The following FPR3 variants were observed in gnomAD, a reference collection of about 807,000 sequenced individuals.
The protein encoded by FPR3 is formyl peptide receptor 3, also known as N-formyl peptide receptor 3.
For synonymous variants in FPR3, 135 were observed against 163.6 expected, an observed-to-expected ratio of 0.83 and a Z score of 1.34; for missense variants, 346 against 443.2, an observed-to-expected ratio of 0.78 and a Z score of 1.97.
intron 1 of FPR3, among the ~76,000 whole-genome samples, chr19:51,800,301 A>AG (rs1434787667): frequency 6.6e-6 from 1 of 152,306 alleles, no homozygotes; most frequent in East Asian, 1.9e-4. Flanking sequence ...GGCCAGTGCA[A>AG]GTGGAGCTCA....
At chr19:51,815,012 G>A (rs1459093709) in intron 1 of FPR3, among the ~76,000 whole-genome samples, 1 of 150,138 alleles carries the variant, frequency 6.7e-6, no homozygotes, top group Non-Finnish European at 1.5e-5. Flanking sequence ...GTTTCACCTT[G>A]TTGCCCAGGC....
At chr19:51,803,070 C>T (rs975884830) in intron 1 of FPR3, among the ~76,000 whole-genome samples, 18 of 146,476 alleles carry the variant, frequency 1.2e-4, no homozygotes, top group African/African-American at 4.5e-4. Context: ...TAAATAGTGT[C>T]ACCTAGATAT....
chr19:51,799,331 C>A (rs1283762378), intron 1 of FPR3, among the ~76,000 whole-genome samples: 1 of 152,166 alleles, frequency 6.6e-6, no homozygotes, highest in Non-Finnish European at 1.5e-5. Context: ...TGTGAGGCTG[C>A]CCGAAAGCGA....
rs187294414 is a variant in FPR3, at chr19:51,818,739, A to G, written c.-10-5000A>G. 5.3e-5 allele frequency among the ~76,000 whole-genome samples: 8 copies of G among 152,344 alleles called. No individual in the cohort carries two copies. The East Asian group carries it at 1.5e-3, about 29-fold the overall frequency. On this transcript the variant is annotated intron_variant, in intron 1 of 1. Transcript: ENST00000339223. ...TGGTCAGGGAATCAAGGAGTCCACCATGGGTCCAGCACAGTGTGTCAGGTG... is the reference window on the plus strand; with the variant it reads ...TGGTCAGGGAATCAAGGAGTCCACCGTGGGTCCAGCACAGTGTGTCAGGTG...
intron 1 of FPR3, among the ~76,000 whole-genome samples, chr19:51,810,471 C>T (rs557333040): frequency 9.8e-5 from 15 of 152,294 alleles, no homozygotes; most frequent in East Asian, 1.9e-4. Flanking sequence ...TCAGGAATTG[C>T]GGCCCAGGTG....
At position 51,823,763 on chromosome 19, in the gene FPR3, C is replaced by A; in HGVS notation, c.15C>A (p.Phe5Leu). The change falls in exon 2 of 2, where the codon TTC becomes TTA. Residue 5 changes from phenylalanine (F) to leucine (L), a missense_variant. By Grantham distance (22) the Phe-to-Leu change is conservative. Transcript: ENST00000339223. Reference protein sequence around the residue: METNFSIPLNETEEV... With the variant: METNLSIPLNETEEV... ...GGTGTGGGAAGATGGAAACCAACTTCTCCATTCCTCTGAATGAAACTGAGG... is the reference window on the plus strand; with the variant it reads ...GGTGTGGGAAGATGGAAACCAACTTATCCATTCCTCTGAATGAAACTGAGG... 6.3e-7 allele frequency: 1 copy of A among 1,590,602 alleles called. No individual in the cohort carries two copies. Among genetic ancestry groups the A allele is most frequent in the Non-Finnish European group, 8.6e-7 (1 of 1,168,086 alleles).
rs2084221491 is a variant in FPR3 at position 51,824,926 on chromosome 19, A to G, written c.*116A>G. ...CACCACCACCACAATCATCAACATA[A>G]AGGAAGTCTGTACCAAATCTGTAGG... On this transcript the variant is annotated 3_prime_UTR_variant, in exon 2 of 2. Coordinates refer to ENST00000339223, the MANE Select transcript of FPR3 (RefSeq NM_002030.5). The surrounding 1 kb of genome is among the most constrained non-coding windows in gnomAD (Gnocchi z 4.7). 1 of 823,000 alleles carries G rather than the reference A, an allele frequency of 1.2e-6. No homozygotes were observed. The highest frequency in any genetic ancestry group is 1.7e-5 in the African/African-American group (1 of 57,720). The allele number at this position is 823,000 out of a possible 1,614,324, so 51.0% of individuals were successfully genotyped here.
chr19:51,822,238 T>C (rs1197149183), intron 1 of FPR3, among the ~76,000 whole-genome samples: 1 of 152,178 alleles, frequency 6.6e-6, no homozygotes, highest in East Asian at 1.9e-4. Context: ...TATCCTCCCA[T>C]AGTGTTATTG....
chr19:51,801,907 C>T (rs1045963839), intron 1 of FPR3, among the ~76,000 whole-genome samples: 13 of 152,246 alleles, frequency 8.5e-5, no homozygotes, highest in African/African-American at 3.1e-4. Flanking sequence ...TCTGTAGCGT[C>T]GCCTAAATTT....
At chr19:51,801,449 G>A (rs192372413) in intron 1 of FPR3, among the ~76,000 whole-genome samples, 159 of 152,274 alleles carry the variant, frequency 1.0e-3, no homozygotes, top group Non-Finnish European at 1.8e-3. Context: ...GACACTGATT[G>A]GCTTTTGTTC....
At chr19:51,822,790 G>A (rs2122493444) in intron 1 of FPR3, among the ~76,000 whole-genome samples, 1 of 152,250 alleles carries the variant, frequency 6.6e-6, no homozygotes, top group Non-Finnish European at 1.5e-5. Flanking sequence ...AAAGCAGACG[G>A]GAGAAAGTAA....
chr19:51,823,631 C>A (rs2084206852), intron 1 of FPR3, 108 bp from the exon 2 acceptor site: 3 of 848,858 alleles, frequency 3.5e-6, no homozygotes, highest in Non-Finnish European at 5.4e-6. Flanking sequence ...ACAAGGCTCA[C>A]TGGGGAGGGT....
chr19:51,817,104 A>G (rs1022675150), intron 1 of FPR3, among the ~76,000 whole-genome samples: 8 of 152,166 alleles, frequency 5.3e-5, no homozygotes, highest in African/African-American at 1.7e-4. Flanking sequence ...TCAGACACAT[A>G]GGTTTCTAAG....
rs147462535 is a variant in FPR3 at position 51,813,580 on chromosome 19, G to C, written c.-10-10159G>C. ...GAGTCTCACTCTGTCACCTAGGCTGGAGTGCAGTGGCGTGATCTCGGCTCA... is the reference window on the plus strand; with the variant it reads ...GAGTCTCACTCTGTCACCTAGGCTGCAGTGCAGTGGCGTGATCTCGGCTCA... On this transcript the variant is annotated intron_variant, in intron 1 of 1. Coordinates refer to ENST00000339223, the MANE Select transcript of FPR3 (RefSeq NM_002030.5). Among the ~76,000 whole-genome samples the C allele has an allele frequency of 5.2e-3, 796 of 152,008 alleles. 5 individuals carry two copies. The highest frequency in any genetic ancestry group is 0.014 in the African/African-American group (574 of 41,442).
rs143491261 is a variant in FPR3 at position 51,808,150 on chromosome 19, C to T, written c.-11+12819C>T. ...TGCTGCAGGGAATTTAAAGAATCTCCGTGCAGGGTTTGGTAAATATGTGTA... is the reference window on the plus strand; with the variant it reads ...TGCTGCAGGGAATTTAAAGAATCTCTGTGCAGGGTTTGGTAAATATGTGTA... On this transcript the variant is annotated intron_variant, in intron 1 of 1. Transcript: ENST00000339223. 8.3e-4 allele frequency among the ~76,000 whole-genome samples: 126 copies of T among 152,306 alleles called. 2 individuals carry two copies. The East Asian group carries it at 0.023, about 28-fold the overall frequency.
chr19:51,807,359 C>T (rs2084066795), intron 1 of FPR3, among the ~76,000 whole-genome samples: 1 of 152,194 alleles, frequency 6.6e-6, no homozygotes, highest in Non-Finnish European at 1.5e-5. Context: ...CTCCACAAAC[C>T]TTTTGGTGGC....
At chr19:51,819,839 G>A (rs1427524698) in intron 1 of FPR3, among the ~76,000 whole-genome samples, 1 of 152,184 alleles carries the variant, frequency 6.6e-6, no homozygotes, top group Non-Finnish European at 1.5e-5. Context: ...GAAGGGATAG[G>A]ATAATGGTTA....
At chr19:51,821,897 GCTGTTA>G (rs1257901908) in intron 1 of FPR3, among the ~76,000 whole-genome samples, 1 of 152,154 alleles carries the variant, frequency 6.6e-6, no homozygotes, top group African/African-American at 2.4e-5. Context: ...CTGTATAATT[GCTGTTA>G]CTTTTAGAGA....
At chr19:51,814,213 T>C (rs1488730129) in intron 1 of FPR3, among the ~76,000 whole-genome samples, 1 of 152,212 alleles carries the variant, frequency 6.6e-6, no homozygotes, top group African/African-American at 2.4e-5. Context: ...GTCTTCATGG[T>C]TGTGTTGTTT....
Sources: gnomAD v4.1 joint callset for allele counts (sites outside exome capture counted in the v4.1 genomes callset) on GRCh38, gnomAD v4.1.1 for gene constraint, Gnocchi (gnomAD v3.1) non-coding constraint, MANE v1.5 for transcripts, NCBI Gene and HGNC (gene_info 2026-07-23, HGNC 2026-07-21) for gene names.